Variants in MMD2 observed in about 807,000 individuals in gnomAD.
MMD2 encodes monocyte to macrophage differentiation associated 2, also known as monocyte to macrophage differentiation factor 2.
MMD2 carries 30 observed loss-of-function variants against 33.5 expected under a neutral mutation model. The observed-to-expected ratio is 0.90, with a 90% CI of 0.67 to 1.22. The LOEUF is 1.22. MMD2 is among the 50% of genes most tolerant of loss of function. MMD2 has a pLI of 0.00. For synonymous variants in MMD2, 129 were observed against 123.0 expected (o/e 1.05, Z -0.32); for missense variants, 364 against 325.4 (o/e 1.12, Z -0.91).
chr7:4,936,518 T>G (rs1309374807), intron 1 of MMD2, among the ~76,000 whole-genome samples: 1 of 152,090 alleles, frequency 6.6e-6, no homozygotes, highest in Non-Finnish European at 1.5e-5. Context: ...GTATTCAAAT[T>G]TTACTCATGT....
At chr7:4,934,302 C>T (rs1785677538) in intron 1 of MMD2, among the ~76,000 whole-genome samples, 1 of 120,768 alleles carries the variant, frequency 8.3e-6, no homozygotes, top group Non-Finnish European at 1.9e-5. Context: ...CAGGGTTTTG[C>T]CATGTTGCCC....
At chr7:4,898,207 G>A in the MMD2 span, among the ~76,000 whole-genome samples, 1 of 152,188 alleles carries the variant, frequency 6.6e-6, no homozygotes, top group East Asian at 1.9e-4. Flanking sequence ...TCCTAGTGGG[G>A]TCAGGGTTCT....
intron 2 of MMD2, among the ~76,000 whole-genome samples, chr7:4,925,172 C>G (rs1465677727): frequency 6.6e-6 from 1 of 152,152 alleles, no homozygotes; most frequent in Admixed American, 6.6e-5. Context: ...CTCAGGTGAT[C>G]TGCCCACCTC....
intron 4 of MMD2, 75 bp from the exon 5 acceptor site, chr7:4,911,321 C>G: frequency 8.1e-7 from 1 of 1,236,328 alleles, no homozygotes; most frequent in Non-Finnish European, 1.1e-6. Flanking sequence ...ACCGGCCTGT[C>G]ACAGGAAATG....
At chr7:4,909,859 A>T (rs1413499007) in intron 6 of MMD2, 22 bp downstream of exon 6, 1 of 1,602,032 alleles carries the variant, frequency 6.2e-7, no homozygotes, top group South Asian at 1.1e-5. Context: ...GGACTCATCT[A>T]TGCAGGGCTG....
the MMD2 span, among the ~76,000 whole-genome samples, chr7:4,897,139 C>T: frequency 6.6e-6 from 1 of 150,688 alleles, no homozygotes; most frequent in East Asian, 2.0e-4. Flanking sequence ...GGATTACAGG[C>T]ATGAGCCACC....
intron 4 of MMD2, among the ~76,000 whole-genome samples, chr7:4,912,826 C>T (rs1785049457): frequency 6.6e-6 from 1 of 152,116 alleles, no homozygotes; most frequent in Non-Finnish European, 1.5e-5. Context: ...CTGCCTCAGC[C>T]TCCCGAGTAG....
Position 4,946,172 on chromosome 7 carries a change from C to T in MMD2, c.47+12799G>A, listed in dbSNP as rs1375484919. Among the ~76,000 whole-genome samples, 2 of 151,372 alleles carry T rather than the reference C, an allele frequency of 1.3e-5. No homozygotes were observed. Among genetic ancestry groups the T allele is most frequent in the Non-Finnish European group, 1.5e-5 (1 of 67,884 alleles). On this transcript the variant is annotated intron_variant, in intron 1 of 6. Transcript: ENST00000401401. This position sits in a 1 kb window ranked among gnomAD's most constrained non-coding sequence, Gnocchi z 5.0. Reference sequence around the variant, plus strand: ...CCACACCCGCGCGCACACCTGCACACATGCACACACACGCGCGCACACCCA... The same window carrying T: ...CCACACCCGCGCGCACACCTGCACATATGCACACACACGCGCGCACACCCA...
At chr7:4,926,485 C>T (rs1785430681) in intron 1 of MMD2, among the ~76,000 whole-genome samples, 1 of 152,066 alleles carries the variant, frequency 6.6e-6, no homozygotes. Context: ...GATGCGTAGA[C>T]CCACTAAACC....
At chr7:4,934,883 G>C (rs1050800072) in intron 1 of MMD2, among the ~76,000 whole-genome samples, 8 of 152,152 alleles carry the variant, frequency 5.3e-5, no homozygotes, top group African/African-American at 2.4e-5. Flanking sequence ...GCCAGCAGGT[G>C]TCATAAAGAA....
chr7:4,895,109 C>T, the MMD2 span, among the ~76,000 whole-genome samples: 31 of 150,034 alleles, frequency 2.1e-4, no homozygotes, highest in Admixed American at 1.3e-3. Context: ...GACAGAGTCT[C>T]GCTCTGTCAC....
chr7:4,957,070 G>A (rs1168753037), intron 1 of MMD2, among the ~76,000 whole-genome samples: 1 of 151,812 alleles, frequency 6.6e-6, no homozygotes, highest in Non-Finnish European at 1.5e-5. Context: ...GAAGGCTGAG[G>A]CGGGTGAATC....
chr7:4,915,264 C>T (rs907843065), intron 4 of MMD2, among the ~76,000 whole-genome samples: 1 of 151,222 alleles, frequency 6.6e-6, no homozygotes, highest in Non-Finnish European at 1.5e-5. Flanking sequence ...GATCAAGACC[C>T]TGTCTCTTAA....
intron 1 of MMD2, among the ~76,000 whole-genome samples, chr7:4,937,419 A>G (rs1785772446): frequency 2.6e-5 from 4 of 151,864 alleles, no homozygotes; most frequent in Admixed American, 1.3e-4. Flanking sequence ...AGAAAGAAAA[A>G]GAAAGAAAGA....
chr7:4,914,696 C>T (rs1785097817), intron 4 of MMD2, among the ~76,000 whole-genome samples: 2 of 152,006 alleles, frequency 1.3e-5, no homozygotes, highest in Admixed American at 6.6e-5. Flanking sequence ...TGTGGGAGGC[C>T]GAGGCAGGCA....
At chr7:4,948,386 T>C (rs1786149223) in intron 1 of MMD2, among the ~76,000 whole-genome samples, 2 of 152,042 alleles carry the variant, frequency 1.3e-5, no homozygotes, top group South Asian at 4.2e-4. Context: ...CTGGACGTGG[T>C]GGCGCACATG....
intron 1 of MMD2, among the ~76,000 whole-genome samples, chr7:4,952,077 C>T (rs911880301): frequency 6.6e-6 from 1 of 152,228 alleles, no homozygotes; most frequent in African/African-American, 2.4e-5. Context: ...AACTAACCAG[C>T]TGTGGGTAGT....
At chr7:4,953,898 AC>A (rs1381828973) in intron 1 of MMD2, among the ~76,000 whole-genome samples, 1 of 150,340 alleles carries the variant, frequency 6.7e-6, no homozygotes. Flanking sequence ...TTGTTCTATC[AC>A]CCAGGCTTGA....
chr7:4,911,359 A>G, intron 4 of MMD2, 113 bp from the exon 5 acceptor site: 1 of 767,122 alleles, frequency 1.3e-6, no homozygotes, highest in South Asian at 1.7e-5. Flanking sequence ...GTCACCTGTG[A>G]CTCCACGGCT....
Sources: allele counts gnomAD v4.1 joint callset (sites outside exome capture counted in the v4.1 genomes callset), GRCh38; gene constraint gnomAD v4.1.1; non-coding constraint Gnocchi (gnomAD v3.1); transcripts MANE v1.5; gene names NCBI Gene and HGNC (gene_info 2026-07-23, HGNC 2026-07-21).